The following SNX29 variants were observed in gnomAD, a reference collection of about 807,000 sequenced individuals.
SNX29 encodes sorting nexin 29, also known as sorting nexin-29.
A neutral mutation model predicts 102.1 loss-of-function variants in SNX29; 78 were observed. That is an observed-to-expected ratio of 0.76 (90% CI 0.64 to 0.92). The LOEUF (loss-of-function observed/expected upper bound fraction) is 0.92, where lower values mean the gene tolerates loss of function less well. Ranked by LOEUF, SNX29 falls within the 40% of genes least tolerant of loss-of-function variation. SNX29 has a pLI of 0.00. For missense variants in SNX29, 1,280 were observed against 1,061.7 expected, an observed-to-expected ratio of 1.21 and a Z score of -2.86; for synonymous variants, 580 against 414.5, an observed-to-expected ratio of 1.40 and a Z score of -4.85.
chr16:12,276,787 T>C (rs2079265324), intron 14 of SNX29, among the ~76,000 whole-genome samples: 1 of 152,150 alleles, frequency 6.6e-6, no homozygotes, highest in Admixed American at 6.5e-5. Context: ...TATTTGTTTT[T>C]CCCTGCAGAG....
At chr16:12,356,728 G>C (rs2082147158) in intron 16 of SNX29, among the ~76,000 whole-genome samples, 1 of 152,234 alleles carries the variant, frequency 6.6e-6, no homozygotes, top group African/African-American at 2.4e-5. Context: ...ATCAGGTACA[G>C]GGCTTTTCAA....
chr16:12,239,581 G>A lies in SNX29; in HGVS notation c.1679-38352G>A, dbSNP rs548412102. Reference sequence around the variant, plus strand: ...GGTGGCTCACTCCTGTAATCCCAGCGCTTTGGGAGTCCAAAGCTGGAGAAT... The same window carrying A: ...GGTGGCTCACTCCTGTAATCCCAGCACTTTGGGAGTCCAAAGCTGGAGAAT... On this transcript the variant is annotated intron_variant, in intron 14 of 20. Transcript: ENST00000566228. 8.2e-5 allele frequency among the ~76,000 whole-genome samples: 12 copies of A among 145,946 alleles called. No individual in the cohort carries two copies. In the East Asian group the frequency reaches 1.4e-3, roughly 17 times the overall value.
intron 18 of SNX29, among the ~76,000 whole-genome samples, chr16:12,419,006 G>A (rs1253185544): frequency 1.3e-5 from 2 of 152,154 alleles, no homozygotes; most frequent in African/African-American, 4.8e-5. Flanking sequence ...GGCTTGTAGT[G>A]GGCAGGGCCG....
intron 7 of SNX29, 55 bp downstream of exon 7, chr16:12,048,675 G>A (rs2050186026): frequency 6.2e-7 from 1 of 1,613,560 alleles, no homozygotes; most frequent in African/African-American, 1.3e-5. Context: ...TGTGGCGGAT[G>A]GGGTGGACAT....
intron 15 of SNX29, among the ~76,000 whole-genome samples, chr16:12,281,862 G>C (rs1364906850): frequency 3.3e-5 from 5 of 151,992 alleles, no homozygotes; most frequent in African/African-American, 1.2e-4. Flanking sequence ...CTTCAGACTA[G>C]GAGTTCGAGA....
At chr16:12,404,155 A>C (rs2084070860) in intron 18 of SNX29, among the ~76,000 whole-genome samples, 1 of 152,158 alleles carries the variant, frequency 6.6e-6, no homozygotes, top group Non-Finnish European at 1.5e-5. Flanking sequence ...TCCCCAAATG[A>C]GAGCCAGAGA....
intron 16 of SNX29, among the ~76,000 whole-genome samples, chr16:12,390,184 G>GTATA (rs2083478694): frequency 6.7e-6 from 1 of 149,238 alleles, no homozygotes; most frequent in Admixed American, 6.8e-5. Flanking sequence ...GTGTGTGTAT[G>GTATA]TATATGTATA....
chr16:12,222,232 T>A (rs899968514), intron 14 of SNX29, among the ~76,000 whole-genome samples: 2 of 152,132 alleles, frequency 1.3e-5, no homozygotes, highest in Non-Finnish European at 2.9e-5. Context: ...TAAAGTTACA[T>A]TGATTTCTGA....
intron 8 of SNX29, among the ~76,000 whole-genome samples, chr16:12,055,926 C>T (rs764668329): frequency 1.3e-4 from 20 of 152,110 alleles, no homozygotes; most frequent in Admixed American, 8.5e-4. Flanking sequence ...TCCATGGCCC[C>T]GGCTGTAGTG....
chr16:12,242,586 T>C (rs1406927862), intron 14 of SNX29, among the ~76,000 whole-genome samples: 2 of 148,922 alleles, frequency 1.3e-5, no homozygotes, highest in Non-Finnish European at 3.0e-5. Flanking sequence ...TCTTTTCTTC[T>C]TCTCTTCTTC....
intron 9 of SNX29, among the ~76,000 whole-genome samples, chr16:12,064,422 G>T (rs974973743): frequency 6.6e-6 from 1 of 152,198 alleles, no homozygotes; most frequent in African/African-American, 2.4e-5. Context: ...CTGTCAGCTC[G>T]CAGAGTCAGC....
intron 19 of SNX29, among the ~76,000 whole-genome samples, chr16:12,497,201 C>T (rs2088872703): frequency 6.6e-6 from 1 of 152,242 alleles, no homozygotes; most frequent in Non-Finnish European, 1.5e-5. Context: ...CTTAAGAGTT[C>T]TTGGCAGAAA....
At chr16:12,003,369 C>G (rs2056355015) in intron 3 of SNX29, among the ~76,000 whole-genome samples, 2 of 151,976 alleles carry the variant, frequency 1.3e-5, no homozygotes, top group Non-Finnish European at 2.9e-5. Context: ...GCCTAAATAC[C>G]CAAGATTTGG....
chr16:12,108,982 G>T (rs1168343804), intron 11 of SNX29, among the ~76,000 whole-genome samples: 1 of 151,798 alleles, frequency 6.6e-6, no homozygotes, highest in African/African-American at 2.4e-5. Context: ...ACAAAAATTA[G>T]CTGGGTGCTG....
chr16:12,564,371 C>G lies in SNX29; in HGVS notation c.2319-4135C>G, dbSNP rs567850432. On this transcript the variant is annotated intron_variant, in intron 20 of 20. Coordinates refer to ENST00000566228, the MANE Select transcript of SNX29 (RefSeq NM_032167.5). ...GATGTCAAAGGAGCCAAATCTATTT[C>G]TAATCACCACCAACTGCATAAATAT... Among the ~76,000 whole-genome samples, 14 of 151,444 alleles carry G rather than the reference C, an allele frequency of 9.2e-5. No homozygotes were observed. In the East Asian group the frequency reaches 2.4e-3, roughly 26 times the overall value.
Position 12,264,767 on chromosome 16 carries a change from CAAAAA to C in SNX29, c.1679-13156_1679-13152del, listed in dbSNP as rs113542382. On this transcript the variant is annotated intron_variant, in intron 14 of 20. Coordinates refer to ENST00000566228, the MANE Select transcript of SNX29 (RefSeq NM_032167.5). Reference sequence around the variant, plus strand: ...ACTGCACTCCAACGAGACTCTGTTTCAAAAAAAAAAAAAAGCTTCACAGGTTTAGG... The same window carrying C: ...ACTGCACTCCAACGAGACTCTGTTTCAAAAAAAAAGCTTCACAGGTTTAGG... Among the ~76,000 whole-genome samples, 3 of 113,920 alleles carry C rather than the reference CAAAAA, an allele frequency of 2.6e-5. No homozygotes were observed. In the East Asian group the frequency reaches 7.7e-4, roughly 29 times the overall value. The allele number at this position is 113,920 out of a possible 152,430, so 74.7% of individuals were successfully genotyped here. A position where few individuals can be genotyped will look rare whatever the true frequency, so the allele number is the denominator to read the frequency against.
Position 12,565,534 on chromosome 16 carries a change from G to A in SNX29, c.2319-2972G>A, listed in dbSNP as rs11639553. ...ACATGGCTCTGCTCCACATGGCCTC[G>A]AGGATTGAACCATCCCTGTGTCACA... On this transcript the variant is annotated intron_variant, in intron 20 of 20. Coordinates refer to ENST00000566228, the MANE Select transcript of SNX29 (RefSeq NM_032167.5). 3.5e-3 allele frequency among the ~76,000 whole-genome samples: 526 copies of A among 152,160 alleles called. 4 individuals are homozygous for A. Among genetic ancestry groups the A allele is most frequent in the Non-Finnish European group, 4.0e-3 (272 of 67,994 alleles).
At chr16:12,366,622 A>G (rs1350173826) in intron 16 of SNX29, among the ~76,000 whole-genome samples, 7 of 152,134 alleles carry the variant, frequency 4.6e-5, no homozygotes, top group Non-Finnish European at 8.8e-5. Context: ...TTTGGTCTAG[A>G]ACAGCACTGC....
intron 16 of SNX29, chr16:12,373,106 T>C (rs1001404285): frequency 1.3e-5 from 2 of 152,240 alleles, no homozygotes. Flanking sequence ...AGAGTCTTCA[T>C]GTCCTCACCT....
Sources: allele counts gnomAD v4.1 joint callset (sites outside exome capture counted in the v4.1 genomes callset), GRCh38; gene constraint gnomAD v4.1.1; transcripts MANE v1.5; gene names NCBI Gene and HGNC (gene_info 2026-07-23, HGNC 2026-07-21).